TRPM4: variants seen among roughly 807,000 people sequenced by gnomAD.
TRPM4 encodes the protein calcium-activated non-selective cation channel 1.
A neutral mutation model predicts 135.6 loss-of-function variants in TRPM4; 124 were observed. The observed-to-expected ratio is 0.91, with a 90% confidence interval of 0.79 to 1.06. The LOEUF is 1.06. Ranked by LOEUF, TRPM4 falls within the 50% of genes least tolerant of loss-of-function variation. TRPM4 has a pLI of 0.00. For synonymous variants in TRPM4, 745 were observed against 705.6 expected (o/e 1.06, Z -0.88); for missense variants, 1,658 against 1,671.4 (o/e 0.99, Z 0.14).
chr19:49,178,552 G>A (rs1217736868), intron 9 of TRPM4, among the ~76,000 whole-genome samples: 3 of 151,786 alleles, frequency 2.0e-5, no homozygotes, highest in African/African-American at 7.3e-5. Context: ...CAGTACCTGC[G>A]GGTCTGCCTT....
In TRPM4 at chr19:49,200,546, T is replaced by G. The variant is rs1024017870; in HGVS notation, c.2779-65T>G. ...TTTGGGGAGCAATGGGGCGTGTTTT[T>G]GGGATATAGGGGTGGGGCCAGAGTA... On this transcript the variant is annotated intron_variant, in intron 18 of 24. Coordinates refer to ENST00000252826, the MANE Select transcript of TRPM4 (RefSeq NM_017636.4). The G allele has an allele frequency of 4.0e-4, 639 of 1,598,822 alleles. 2 individuals are homozygous for G. Among genetic ancestry groups the G allele is most frequent in the East Asian group, 6.3e-4 (28 of 44,744 alleles).
At chr19:49,199,678 C>G (rs1448506899) in intron 17 of TRPM4, among the ~76,000 whole-genome samples, 2 of 151,898 alleles carry the variant, frequency 1.3e-5, no homozygotes, top group East Asian at 3.8e-4. Context: ...CATATCTTCT[C>G]GAAGTCTGTG....
Position 49,171,968 on chromosome 19 carries a change from G to A in TRPM4, c.1051-41G>A. The A allele has an allele frequency of 6.4e-7, 1 of 1,558,246 alleles. No homozygotes were observed. The highest frequency in any genetic ancestry group is 1.1e-5 in the South Asian group (1 of 89,976). On this transcript the variant is annotated intron_variant, in intron 8 of 24. Transcript: ENST00000252826. This position sits in a 1 kb window ranked among gnomAD's most constrained non-coding sequence, Gnocchi z 4.7. The stretch of plus-strand genomic sequence containing the variant: ...TGGACAGGGCCCAACAGGAGTTGGG[G>A]ATGGAGGCGGGCTAGGGATGCAGAA...
chr19:49,211,652 T>C lies in TRPM4; in HGVS notation c.*154T>C. On this transcript the variant is annotated 3_prime_UTR_variant, in exon 25 of 25. Transcript: ENST00000252826. This position sits in a 1 kb window ranked among gnomAD's most constrained non-coding sequence, Gnocchi z 4.8. ...ACTGTCAGGACCACCTTTGGGAGTGTCATCCTTACAAACCACAGCATGCCC... is the reference window on the plus strand; with the variant it reads ...ACTGTCAGGACCACCTTTGGGAGTGCCATCCTTACAAACCACAGCATGCCC... 1.0e-6 allele frequency: 1 copy of C among 973,112 alleles called. No homozygotes were observed. The highest frequency in any genetic ancestry group is 1.6e-6 in the Non-Finnish European group (1 of 611,922). 60.3% of individuals were successfully genotyped at this position (973,112 alleles called of 1,614,324 possible). A position where few individuals can be genotyped will look rare whatever the true frequency, so the allele number is the denominator to read the frequency against.
At chr19:49,203,044 C>T (rs1286711039) in intron 20 of TRPM4, among the ~76,000 whole-genome samples, 2 of 151,892 alleles carry the variant, frequency 1.3e-5, no homozygotes, top group African/African-American at 4.8e-5. Context: ...GTGCCCGCCA[C>T]CACGCCCAGC....
chr19:49,192,675 G>A (rs1022863254), intron 16 of TRPM4, among the ~76,000 whole-genome samples: 1 of 152,052 alleles, frequency 6.6e-6, no homozygotes, highest in African/African-American at 2.4e-5. Flanking sequence ...GGGGCCTATT[G>A]GAGGACAGAG....
chr19:49,181,421 T>C lies in TRPM4; in HGVS notation c.1223T>C (p.Ile408Thr). The C allele has an allele frequency of 6.2e-7, 1 of 1,613,916 alleles. No homozygotes were observed. The highest frequency in any genetic ancestry group is 8.5e-7 in the Non-Finnish European group (1 of 1,180,004). Residue 408 changes from isoleucine to threonine, a missense_variant, in exon 10 of 25, where the codon ATT (isoleucine) becomes ACT (threonine). Ile to Thr is a moderately conservative substitution (Grantham distance 89). This residue lies in a region of TRPM4 where 1,412 missense variants were observed against 1,408.7 expected (regional missense o/e 1.00). Coordinates refer to ENST00000252826, the MANE Select transcript of TRPM4 (RefSeq NM_017636.4). ...RLAVAWNRVD[I>T]AQSELFRGDI... ...GCTGTGGCTTGGAACCGCGTGGACA[T>C]TGCCCAGAGTGAACTCTTTCGGGGG...
chr19:49,182,122 AT>A (rs1306545137), intron 10 of TRPM4, among the ~76,000 whole-genome samples: 5 of 149,324 alleles, frequency 3.3e-5, no homozygotes, highest in African/African-American at 9.9e-5. Flanking sequence ...CCATCCATCC[AT>A]CCATCTGTCC....
Position 49,194,639 on chromosome 19 carries a change from TTCTC to T in TRPM4, c.2211-1793_2211-1790del, listed in dbSNP as rs1008868486. Among the ~76,000 whole-genome samples, 836 of 140,348 alleles carry T rather than the reference TTCTC, an allele frequency of 6.0e-3. 8 individuals are homozygous for T. Among genetic ancestry groups the T allele is most frequent in the Non-Finnish European group, 7.7e-3 (502 of 65,510 alleles). The allele number at this position is 140,348 out of a possible 152,430, so 92.1% of individuals were successfully genotyped here. A position where few individuals can be genotyped will look rare whatever the true frequency, so the allele number is the denominator to read the frequency against. ...CCTTCCTTTCTTTCCTTCCCTTTCT[TTCTC>T]TCTCTCTTTCTCTCTCTGTCCCTCC... On this transcript the variant is annotated intron_variant, in intron 16 of 24. Transcript: ENST00000252826.
At chr19:49,160,068 C>T (rs569866487) in intron 2 of TRPM4, 2 of 152,278 alleles carry the variant, frequency 1.3e-5, no homozygotes, top group East Asian at 3.9e-4. Flanking sequence ...CCACTGGGCT[C>T]TGTGAGAGCT....
At chr19:49,193,526 C>G (rs1229617971) in intron 16 of TRPM4, among the ~76,000 whole-genome samples, 1 of 152,114 alleles carries the variant, frequency 6.6e-6, no homozygotes, top group African/African-American at 2.4e-5. Flanking sequence ...GATCCCAGAT[C>G]CTCTTGTACC....
chr19:49,206,911 T>G (rs1218484360), intron 20 of TRPM4, among the ~76,000 whole-genome samples: 2 of 152,238 alleles, frequency 1.3e-5, no homozygotes, highest in African/African-American at 4.8e-5. Flanking sequence ...AACCTTTAGA[T>G]ACTGTTGTAA....
chr19:49,161,260 G>T (rs12461291), intron 2 of TRPM4, among the ~76,000 whole-genome samples: 68,544 of 150,400 alleles, frequency 0.46, 16,999 homozygotes, highest in Non-Finnish European at 0.55. Context: ...AATTGTGTGC[G>T]TGTGTTTGTG....
chr19:49,200,825 C>G lies in TRPM4; in HGVS notation c.2953+40C>G, dbSNP rs903211767. The G allele has an allele frequency of 1.0e-5, 16 of 1,605,930 alleles. No individual in the cohort carries two copies. In the African/African-American group the frequency reaches 1.6e-4, roughly 16 times the overall value. ...GGCCTGACAGCCTTCCTCTGAGTCT[C>G]TGTCCCCGCTCCCTGGGTCTCTGTC... On this transcript the variant is annotated intron_variant, in intron 19 of 24. Transcript: ENST00000252826.
At chr19:49,179,614 T>G (rs369721670) in intron 9 of TRPM4, among the ~76,000 whole-genome samples, 1 of 152,216 alleles carries the variant, frequency 6.6e-6, no homozygotes. Context: ...CCTCCCAAAG[T>G]GCTGGGATTA....
intron 9 of TRPM4, among the ~76,000 whole-genome samples, chr19:49,180,196 C>T (rs75091194): frequency 0.034 from 5,175 of 152,198 alleles, 126 homozygotes; most frequent in Non-Finnish European, 0.051. Context: ...CTCCATGTCA[C>T]GACAAATGCC....
At position 49,200,471 on chromosome 19, in the gene TRPM4, G is replaced by T. The variant is rs1255014864; in HGVS notation, c.2778+39G>T. The T allele has an allele frequency of 5.0e-6, 8 of 1,605,594 alleles. No homozygotes were observed. The Admixed American group carries it at 1.2e-4, about 24-fold the overall frequency. Reference sequence around the variant, plus strand: ...GGGGCCAAAGTGGGCGGGGACATAGGGAAAGGGGTGGGGCCAGGGAGGGAG... The same window carrying T: ...GGGGCCAAAGTGGGCGGGGACATAGTGAAAGGGGTGGGGCCAGGGAGGGAG... On this transcript the variant is annotated intron_variant, in intron 18 of 24. Coordinates refer to ENST00000252826, the MANE Select transcript of TRPM4 (RefSeq NM_017636.4).
At chr19:49,169,704 AC>A (rs1290824274) in intron 6 of TRPM4, among the ~76,000 whole-genome samples, 3 of 152,016 alleles carry the variant, frequency 2.0e-5, no homozygotes, top group Non-Finnish European at 4.4e-5. Flanking sequence ...GACGTGAGCC[AC>A]TGCACCTGGC....
At chr19:49,203,251 C>T (rs1969012089) in intron 20 of TRPM4, among the ~76,000 whole-genome samples, 1 of 151,984 alleles carries the variant, frequency 6.6e-6, no homozygotes, top group African/African-American at 2.4e-5. Context: ...GCAATCTCAG[C>T]TTACTGCAAC....
Sources: gnomAD v4.1 joint callset for allele counts (sites outside exome capture counted in the v4.1 genomes callset) on GRCh38, gnomAD v4.1.1 for gene constraint, gnomAD v4.1.1 regional missense constraint, Gnocchi (gnomAD v3.1) non-coding constraint, MANE v1.5 for transcripts, NCBI Gene and HGNC (gene_info 2026-07-23, HGNC 2026-07-21) for gene names.